Variants in TNXB observed in about 807,000 individuals in gnomAD.
TNXB encodes tenascin XB, also known as tenascin-X.
TNXB carries 183 observed loss-of-function variants against 340.5 expected under a neutral mutation model. That is an observed-to-expected ratio of 0.54 (90% confidence interval 0.48 to 0.61). The LOEUF (loss-of-function observed/expected upper bound fraction) is 0.61. Among genes scored for constraint, TNXB ranks in the 20% least tolerant of loss-of-function variants. The pLI is 0.00. For synonymous variants in TNXB, 2,121 were observed against 2,314.5 expected (o/e 0.92, Z 2.40); for missense variants, 4,613 against 5,446.4 (o/e 0.85, Z 4.82).
At chr6:32,065,201 T>G (rs1778272401) in intron 18 of TNXB, 84 bp from the exon 19 acceptor site, 3 of 1,277,050 alleles carry the variant, frequency 2.3e-6, no homozygotes, top group Non-Finnish European at 3.2e-6. Context: ...GGTCAGAAGG[T>G]GGGCCCAGTC....
rs187829549 is a variant in TNXB at position 32,108,559 on chromosome 6, A to C, written c.-9+622T>G. Among the ~76,000 whole-genome samples, 1 of 152,218 alleles carries C rather than the reference A, an allele frequency of 6.6e-6. No homozygotes were observed. Among genetic ancestry groups the C allele is most frequent in the East Asian group, 1.9e-4 (1 of 5,182 alleles). The stretch of plus-strand genomic sequence containing the variant: ...AGGATCCTCTCTGCAGGCTCTGTGC[A>C]CGTCCCAGACCCGAGTCCTGACTGT... On this transcript the variant is annotated intron_variant, in intron 1 of 43. Coordinates refer to ENST00000644971, the MANE Select transcript of TNXB (RefSeq NM_001365276.2). This position sits in a 1 kb window ranked among gnomAD's most constrained non-coding sequence, Gnocchi z 4.8.
At position 32,073,576 on chromosome 6, in the gene TNXB, TG is replaced by T; in HGVS notation, c.4681+70del. On this transcript the variant is annotated intron_variant, in intron 12 of 43. Coordinates refer to ENST00000644971, the MANE Select transcript of TNXB (RefSeq NM_001365276.2). The surrounding 1 kb of genome is among the most constrained non-coding windows in gnomAD (Gnocchi z 4.6). ...GGGTGCGGTGGTACCAAGGCAGGGC[TG>T]GAAGAAGGGCCATGGGGTGGGGGAG... 2 of 1,426,944 alleles carry T rather than the reference TG, an allele frequency of 1.4e-6. No homozygotes were observed. The highest frequency in any genetic ancestry group is 1.9e-6 in the Non-Finnish European group (2 of 1,043,936). The allele number at this position is 1,426,944 out of a possible 1,614,324, so 88.4% of individuals were successfully genotyped here.
In TNXB at chr6:32,098,161, A is replaced by G; in HGVS notation, c.38T>C (p.Val13Ala). 6.4e-7 allele frequency: 1 copy of G among 1,565,342 alleles called. No individual in the cohort carries two copies. The highest frequency in any genetic ancestry group is 8.7e-7 in the Non-Finnish European group (1 of 1,150,884). ...GGCTGTGCTCAGCAGCACCAGGAGA[A>G]CCAGGCTGGAGGTTAGAGCATACTG... ...PAQYALTSSL[V>A]LLVLLSTARA... The change falls in exon 2 of 44, where the codon GTT (valine) becomes GCT (alanine). Residue 13 changes from valine (V) to alanine (A), a missense_variant. Coordinates refer to ENST00000644971, the MANE Select transcript of TNXB (RefSeq NM_001365276.2).
chr6:32,081,462 G>C lies in TNXB; in HGVS notation c.3948C>G (p.Val1316=), dbSNP rs747587319. 3.1e-6 allele frequency: 5 copies of C among 1,595,610 alleles called. No homozygotes were observed. The highest frequency in any genetic ancestry group is 4.3e-6 in the Non-Finnish European group (5 of 1,171,028). The change falls in exon 10 of 44, where the codon GTC becomes GTG. Residue 1316 remains valine (V), a synonymous_variant. Coordinates refer to ENST00000644971, the MANE Select transcript of TNXB (RefSeq NM_001365276.2). This position sits in a 1 kb window ranked among gnomAD's most constrained non-coding sequence, Gnocchi z 5.1. ...PVAGDENEVT[V]PGLDPDRKYK... ...ACTTCCGGTCGGGATCCAGGCCGGG[G>C]ACAGTAACCTCATTCTCATCCCCCG...
chr6:32,081,470 C>A lies in TNXB; in HGVS notation c.3940G>T (p.Val1314Phe), dbSNP rs557311390. 3 of 1,600,706 alleles carry A rather than the reference C, an allele frequency of 1.9e-6. No individual in the cohort carries two copies. Among genetic ancestry groups the A allele is most frequent in the Middle Eastern group, 1.7e-4 (1 of 6,046 alleles). Residue 1314 changes from valine (V) to phenylalanine (F), a missense_variant, in exon 10 of 44, where the codon GTT becomes TTT. Val to Phe is a conservative substitution (Grantham distance 50). Around this residue, in one of 7 missense-constraint regions of TNXB, gnomAD observed 4,327 missense variants for 4,859.4 expected, o/e 0.89. Coordinates refer to ENST00000644971, the MANE Select transcript of TNXB (RefSeq NM_001365276.2). The surrounding 1 kb of genome is among the most constrained non-coding windows in gnomAD (Gnocchi z 5.1). ...AVPVAGDENE[V>F]TVPGLDPDRK... ...TCGGGATCCAGGCCGGGGACAGTAACCTCATTCTCATCCCCCGCAACAGGC... is the reference window on the plus strand; with the variant it reads ...TCGGGATCCAGGCCGGGGACAGTAAACTCATTCTCATCCCCCGCAACAGGC...
Position 32,055,923 on chromosome 6 carries a change from T to C in TNXB, c.8395A>G (p.Lys2799Glu). Residue 2799 changes from lysine (K) to glutamate (E), a missense_variant, in exon 24 of 44, where the codon AAA becomes GAA. Physicochemically the swap from Lys to Glu is moderately conservative, Grantham distance 56 (BLOSUM62 1). Transcript: ENST00000644971. ...VTVGGLEPGR[K>E]YKMHLYGLHE... is the part of the protein sequence containing the mutation. ...AGGCCGTACAGGTGCATCTTGTATT[T>C]GCGCCCGGGCTCCAGGCCCCCCACG... The C allele has an allele frequency of 1.9e-6, 3 of 1,613,494 alleles. No individual in the cohort carries two copies. The highest frequency in any genetic ancestry group is 2.5e-6 in the Non-Finnish European group (3 of 1,179,878).
intron 22 of TNXB, 148 bp downstream of exon 22, chr6:32,057,910 T>C: frequency 1.8e-6 from 2 of 1,082,056 alleles, no homozygotes; most frequent in African/African-American, 1.6e-5. Flanking sequence ...GATTGCAGCC[T>C]GTCTCTCCAT....
At chr6:32,106,141 G>C (rs531106142) in intron 1 of TNXB, among the ~76,000 whole-genome samples, 6 of 149,996 alleles carry the variant, frequency 4.0e-5, no homozygotes, top group South Asian at 2.1e-4. Context: ...TGGGGGGGGG[G>C]GCTTCTGGGG....
chr6:32,096,803 C>T lies in TNXB; in HGVS notation c.1050G>A (p.Gly350=), dbSNP rs769587693. 3.1e-6 allele frequency: 5 copies of T among 1,587,568 alleles called. No homozygotes were observed. The highest frequency in any genetic ancestry group is 1.3e-5 in the African/African-American group (1 of 74,096). ...RSCPWDCGEG[G]RCVDGRCVCW... ...ACACGCAGCGGCCGTCCACGCAGCG[C>T]CCGCCCTCGCCACAGTCCCAGGGGC... is the stretch of plus-strand genomic sequence containing the variant. The change falls in exon 3 of 44, where the codon GGG becomes GGA. Residue 350 remains glycine, a synonymous_variant. Transcript: ENST00000644971.
At chr6:32,071,364 G>A (rs1186495991) in intron 13 of TNXB, among the ~76,000 whole-genome samples, 1 of 152,046 alleles carries the variant, frequency 6.6e-6, no homozygotes, top group African/African-American at 2.4e-5. Context: ...AGGAGGTGAT[G>A]GATTCGCAAG....
At chr6:32,106,888 T>C (rs1253760042) in intron 1 of TNXB, among the ~76,000 whole-genome samples, 1 of 152,216 alleles carries the variant, frequency 6.6e-6, no homozygotes, top group African/African-American at 2.4e-5. Context: ...ACAAATATAT[T>C]AATGTGTGCT....
chr6:32,070,292 C>T lies in TNXB; in HGVS notation c.5113G>A (p.Val1705Met), dbSNP rs1013143027. 6.2e-7 allele frequency: 1 copy of T among 1,613,086 alleles called. No individual in the cohort carries two copies. The highest frequency in any genetic ancestry group is 8.5e-7 in the Non-Finnish European group (1 of 1,179,578). ...TVPEGQFDSF[V>M]VQFKDKDGPQ... ...CCGTCTTTGTCCTTGAACTGGACCA[C>T]AAAAGAGTCGAACTGGCCCTCAGGA... Residue 1705 changes from valine to methionine, a missense_variant, in exon 14 of 44, where the codon GTG becomes ATG. This residue lies in a region of TNXB where 4,327 missense variants were observed against 4,859.4 expected (regional missense o/e 0.89). Coordinates refer to ENST00000644971, the MANE Select transcript of TNXB (RefSeq NM_001365276.2). The surrounding 1 kb of genome is among the most constrained non-coding windows in gnomAD (Gnocchi z 6.0).
chr6:32,068,015 T>G lies in TNXB; in HGVS notation c.6221-31A>C. On this transcript the variant is annotated intron_variant, in intron 17 of 43. Coordinates refer to ENST00000644971, the MANE Select transcript of TNXB (RefSeq NM_001365276.2). This position sits in a 1 kb window ranked among gnomAD's most constrained non-coding sequence, Gnocchi z 5.3. ...AAGGAGGAAGAGAGAGTGAGGGGGATGTCCTTGGGTACTGGGGAAAAGGAG... is the reference window on the plus strand; with the variant it reads ...AAGGAGGAAGAGAGAGTGAGGGGGAGGTCCTTGGGTACTGGGGAAAAGGAG... 6.3e-7 allele frequency: 1 copy of G among 1,599,692 alleles called. No individual in the cohort carries two copies. The highest frequency in any genetic ancestry group is 8.5e-7 in the Non-Finnish European group (1 of 1,171,426).
Position 32,085,831 on chromosome 6 carries a change from C to T in TNXB, c.3067G>A (p.Gly1023Arg). The change falls in exon 7 of 44, where the codon GGA becomes AGA. Residue 1023 changes from glycine to arginine, a missense_variant. Physicochemically the swap from Gly to Arg is moderately radical, Grantham distance 125. Coordinates refer to ENST00000644971, the MANE Select transcript of TNXB (RefSeq NM_001365276.2). This position sits in a 1 kb window ranked among gnomAD's most constrained non-coding sequence, Gnocchi z 6.4. ...TGAAGTGACAGCTCATACGGGGTTC[C>T]AGGAGGGGGTGGAGGCACCAGAGCC... ...RQALVPPPPPGTPYELSLHGV... is the reference protein window; with the variant it reads ...RQALVPPPPPRTPYELSLHGV... The T allele has an allele frequency of 6.9e-6, 11 of 1,605,314 alleles. No individual in the cohort carries two copies. The highest frequency in any genetic ancestry group is 9.3e-6 in the Non-Finnish European group (11 of 1,176,886).
rs527736162 is a variant in TNXB, at chr6:32,062,777, C to T, written c.6842-294G>A. Among the ~76,000 whole-genome samples, 7 of 152,164 alleles carry T rather than the reference C, an allele frequency of 4.6e-5. No homozygotes were observed. The highest frequency in any genetic ancestry group is 2.1e-4 in the South Asian group (1 of 4,824). On this transcript the variant is annotated intron_variant, in intron 19 of 43. Transcript: ENST00000644971. The surrounding 1 kb of genome is among the most constrained non-coding windows in gnomAD (Gnocchi z 4.3). ...GCTTTATAAGAACACCAACCAGGGCCGGGTGTGGTGGCTCAGGCCTGTAAT... is the reference window on the plus strand; with the variant it reads ...GCTTTATAAGAACACCAACCAGGGCTGGGTGTGGTGGCTCAGGCCTGTAAT...
rs755560129 is a variant in TNXB, at chr6:32,067,758, G to T, written c.6447C>A (p.Thr2149=). 1.9e-6 allele frequency: 3 copies of T among 1,613,712 alleles called. No homozygotes were observed. The highest frequency in any genetic ancestry group is 2.5e-6 in the Non-Finnish European group (3 of 1,179,878). ...TGCGCCCAGGCTCCAGGCCCCCCACGGTGACTTCACTCTCCTCGCCCCCAA... is the reference window on the plus strand; with the variant it reads ...TGCGCCCAGGCTCCAGGCCCCCCACTGTGACTTCACTCTCCTCGCCCCCAA... ...VRVGGEESEV[T]VGGLEPGRKY... The change falls in exon 18 of 44, where the codon ACC becomes ACA. Residue 2149 remains threonine, a synonymous_variant. Transcript: ENST00000644971. This position sits in a 1 kb window ranked among gnomAD's most constrained non-coding sequence, Gnocchi z 4.2.
In TNXB at chr6:32,043,529, G is replaced by A; in HGVS notation, c.11558C>T (p.Ala3853Val). Reference protein sequence around the residue: ...TVPDGPTQLRALNLTEGFAVL... With the variant: ...TVPDGPTQLRVLNLTEGFAVL... The stretch of plus-strand genomic sequence containing the variant: ...GGCGAATCCCTCGGTCAAGTTCAGT[G>A]CACGCAACTGTGTGGGACCGTCAGG... Residue 3853 changes from alanine to valine, a missense_variant, in exon 36 of 44, where the codon GCA becomes GTA. By Grantham distance (64) the Ala-to-Val change is moderately conservative. Coordinates refer to ENST00000644971, the MANE Select transcript of TNXB (RefSeq NM_001365276.2). 1 of 875,886 alleles carries A rather than the reference G, an allele frequency of 1.1e-6. No individual in the cohort carries two copies. The highest frequency in any genetic ancestry group is 1.8e-6 in the Non-Finnish European group (1 of 556,180). 54.3% of individuals were successfully genotyped at this position (875,886 alleles called of 1,614,324 possible). A position where few individuals can be genotyped will look rare whatever the true frequency, so the allele number is the denominator to read the frequency against.
Position 32,058,537 on chromosome 6 carries a change from C to T in TNXB, c.7493-147G>A. 1.4e-6 allele frequency: 1 copy of T among 702,652 alleles called. No individual in the cohort carries two copies. The highest frequency in any genetic ancestry group is 2.3e-6 in the Non-Finnish European group (1 of 440,874). 43.5% of individuals were successfully genotyped at this position (702,652 alleles called of 1,614,324 possible). A position where few individuals can be genotyped will look rare whatever the true frequency, so the allele number is the denominator to read the frequency against. ...GCTTTGTGTTCGCCGTTCAGTGACT[C>T]TTGGAATAAGAGCCGGTGAGGTATC... On this transcript the variant is annotated intron_variant, in intron 21 of 43. Coordinates refer to ENST00000644971, the MANE Select transcript of TNXB (RefSeq NM_001365276.2). This position sits in a 1 kb window ranked among gnomAD's most constrained non-coding sequence, Gnocchi z 5.1.
At position 32,058,273 on chromosome 6, in the gene TNXB, G is replaced by A. The variant is rs758988241; in HGVS notation, c.7610C>T (p.Ser2537Leu). ...GGGGACGGTCCAGGAAAGGCTCAGC[G>A]AGTCAGGGGAGGATCCTGTCACTGT... The part of the protein sequence containing the change: ...ELTVTGSSPD[S>L]LSLSWTVPQG... Residue 2537 changes from serine to leucine, a missense_variant, in exon 22 of 44, where the codon TCG (serine) becomes TTG (leucine). By Grantham distance (145) the Ser-to-Leu change is moderately radical (BLOSUM62 -2). Coordinates refer to ENST00000644971, the MANE Select transcript of TNXB (RefSeq NM_001365276.2). This position sits in a 1 kb window ranked among gnomAD's most constrained non-coding sequence, Gnocchi z 5.1. 1.2e-5 allele frequency: 20 copies of A among 1,612,294 alleles called. No homozygotes were observed. The highest frequency in any genetic ancestry group is 3.3e-5 in the South Asian group (3 of 91,086).
Sources: allele counts gnomAD v4.1 joint callset (sites outside exome capture counted in the v4.1 genomes callset), GRCh38; gene constraint gnomAD v4.1.1; regional missense constraint gnomAD v4.1.1; non-coding constraint Gnocchi (gnomAD v3.1); transcripts MANE v1.5; gene names NCBI Gene and HGNC (gene_info 2026-07-23, HGNC 2026-07-21).